KAT6A: variants seen among roughly 807,000 people sequenced by gnomAD.
KAT6A encodes histone acetyltransferase KAT6A.
In KAT6A, 9 loss-of-function variants were observed where a neutral mutation model predicts 198.4. That is an observed-to-expected ratio of 0.05 (90% CI 0.03 to 0.08). The LOEUF is 0.08. Ranked by LOEUF, KAT6A falls within the 10% of genes least tolerant of loss-of-function variation. KAT6A has a pLI of 1.00. For synonymous variants in KAT6A, 890 were observed against 883.0 expected (o/e 1.01, Z -0.14); for missense variants, 2,077 against 2,509.9 (o/e 0.83, Z 3.69).
rs757953664 is a variant in KAT6A at position 41,933,314 on chromosome 8, G to C, written c.4906C>G (p.Gln1636Glu). The change falls in exon 17 of 17, where the codon CAG becomes GAG. Residue 1636 changes from glutamine (Q) to glutamate (E), a missense_variant. Coordinates refer to ENST00000265713, the MANE Select transcript of KAT6A (RefSeq NM_006766.5). The surrounding 1 kb of genome is among the most constrained non-coding windows in gnomAD (Gnocchi z 6.2). ...GGAGGCCTCTCCACCACGCAGCTCT[G>C]AGGTGACTTGATGCTGCAGTTGGCA... ...PAANCSIKSP[Q>E]SCVVERPPSN... is the part of the protein sequence containing the mutation. 1.9e-6 allele frequency: 3 copies of C among 1,575,088 alleles called. No homozygotes were observed. The highest frequency in any genetic ancestry group is 1.2e-5 in the South Asian group (1 of 86,042).
Position 41,939,482 on chromosome 8 carries a change from C to T in KAT6A, c.3039+1360G>A, listed in dbSNP as rs368365874. On this transcript the variant is annotated intron_variant, in intron 15 of 16. Coordinates refer to ENST00000265713, the MANE Select transcript of KAT6A (RefSeq NM_006766.5). ...CAGCCTCCAGCTCAAGTGATCCTCC[C>T]GCCTCAGCCTCCCAAGTAGCTAGGA... Among the ~76,000 whole-genome samples the T allele has an allele frequency of 1.1e-4, 17 of 152,266 alleles. 1 individual carries two copies. The East Asian group carries it at 2.3e-3, about 21-fold the overall frequency.
In KAT6A at chr8:41,937,585, G is replaced by A; in HGVS notation, c.3040-17C>T. 6.3e-7 allele frequency: 1 copy of A among 1,582,150 alleles called. No homozygotes were observed. Among genetic ancestry groups the A allele is most frequent in the Non-Finnish European group, 8.6e-7 (1 of 1,161,752 alleles). On this transcript the variant is annotated splice_polypyrimidine_tract_variant and intron_variant, in intron 15 of 16. Coordinates refer to ENST00000265713, the MANE Select transcript of KAT6A (RefSeq NM_006766.5). ...AAATGGTTTCTGTTTAATAGAGAAA[G>A]CAAGTATTTACAGTTATGAACACTA...
intron 9 of KAT6A, among the ~76,000 whole-genome samples, chr8:41,950,685 A>C (rs1822624109): frequency 6.6e-6 from 1 of 152,268 alleles, no homozygotes; most frequent in Non-Finnish European, 1.5e-5. Context: ...AAAAACAGTG[A>C]CAGACCATGA....
At chr8:41,972,200 G>A (rs945064964) in intron 8 of KAT6A, among the ~76,000 whole-genome samples, 11 of 147,216 alleles carry the variant, frequency 7.5e-5, no homozygotes, top group Admixed American at 4.1e-4. Flanking sequence ...TAAACAAATA[G>A]GAAGAAGAAA....
At chr8:42,035,464 A>C (rs755732178) in intron 2 of KAT6A, among the ~76,000 whole-genome samples, 1 of 151,970 alleles carries the variant, frequency 6.6e-6, no homozygotes, top group Non-Finnish European at 1.5e-5. Context: ...ATAACTCAGG[A>C]AAGTTATCTC....
chr8:41,982,547 C>T (rs2150890353), intron 3 of KAT6A, among the ~76,000 whole-genome samples: 1 of 152,284 alleles, frequency 6.6e-6, no homozygotes, highest in African/African-American at 2.4e-5. Flanking sequence ...AAACAAGCAA[C>T]TCCTAAGTTT....
chr8:41,961,690 T>G (rs1564024849), intron 8 of KAT6A, among the ~76,000 whole-genome samples: 1 of 150,030 alleles, frequency 6.7e-6, no homozygotes, highest in Non-Finnish European at 1.5e-5. Context: ...GACGTGGCGG[T>G]TGCAATGAGC....
chr8:41,944,997 G>C (rs1429326620), intron 12 of KAT6A, among the ~76,000 whole-genome samples: 1 of 152,126 alleles, frequency 6.6e-6, no homozygotes, highest in Non-Finnish European at 1.5e-5. Flanking sequence ...AAAATCCTTT[G>C]TTTGAACCAT....
intron 2 of KAT6A, among the ~76,000 whole-genome samples, chr8:42,042,578 C>T (rs1045122556): frequency 2.0e-5 from 3 of 152,046 alleles, no homozygotes; most frequent in African/African-American, 7.2e-5. Flanking sequence ...TTGGACTCTA[C>T]TAAGAGTTGA....
chr8:41,952,761 G>C (rs1822728403), intron 9 of KAT6A, among the ~76,000 whole-genome samples: 1 of 152,072 alleles, frequency 6.6e-6, no homozygotes, highest in African/African-American at 2.4e-5. Context: ...TTATTATTTG[G>C]AAAATGTAAG....
chr8:41,972,939 A>T (rs1049198436), intron 8 of KAT6A, among the ~76,000 whole-genome samples: 1 of 152,212 alleles, frequency 6.6e-6, no homozygotes, highest in South Asian at 2.1e-4. Flanking sequence ...TAGAGTACCT[A>T]TAATAACTCA....
chr8:42,007,803 A>T (rs1825819437), intron 2 of KAT6A, among the ~76,000 whole-genome samples: 1 of 152,016 alleles, frequency 6.6e-6, no homozygotes, highest in Admixed American at 6.6e-5. Flanking sequence ...TCTACTAAAA[A>T]TACAAAAAAT....
Position 41,958,842 on chromosome 8 carries a change from G to A in KAT6A, c.1483-3431C>T, listed in dbSNP as rs117578611. On this transcript the variant is annotated intron_variant, in intron 8 of 16. Transcript: ENST00000265713. ...TGTTTTTGTCAGTAACTCAGTTCAG[G>A]TCAAGTGGGACTTTATTGCAAAATG... Among the ~76,000 whole-genome samples, 110 of 152,248 alleles carry A rather than the reference G, an allele frequency of 7.2e-4. 1 individual carries two copies. In the East Asian group the frequency reaches 0.02, roughly 28 times the overall value.
chr8:41,988,787 T>C (rs1824757768), intron 2 of KAT6A, among the ~76,000 whole-genome samples: 1 of 152,140 alleles, frequency 6.6e-6, no homozygotes, highest in African/African-American at 2.4e-5. Context: ...AGGAAAGCAA[T>C]TTGGAGGAAA....
rs1318833345 is a variant in KAT6A at position 41,931,041 on chromosome 8, T to G, written c.*1164A>C. On this transcript the variant is annotated 3_prime_UTR_variant, in exon 17 of 17. Coordinates refer to ENST00000265713, the MANE Select transcript of KAT6A (RefSeq NM_006766.5). The stretch of plus-strand genomic sequence containing the variant: ...ACGAAACTCACACCGTGATCTCCCT[T>G]CTGACACACATCTGCGCCATCTCTT... 1 of 217,520 alleles carries G rather than the reference T, an allele frequency of 4.6e-6. No homozygotes were observed. Among genetic ancestry groups the G allele is most frequent in the African/African-American group, 2.3e-5 (1 of 44,340 alleles). The allele number at this position is 217,520 out of a possible 1,614,324, so 13.5% of individuals were successfully genotyped here.
At chr8:41,980,373 C>CA (rs1276523910) in intron 5 of KAT6A, among the ~76,000 whole-genome samples, 2 of 151,668 alleles carry the variant, frequency 1.3e-5, no homozygotes, top group Admixed American at 1.3e-4. Flanking sequence ...ACAACAACAA[C>CA]AAAAAACCTT....
intron 9 of KAT6A, among the ~76,000 whole-genome samples, chr8:41,952,536 C>T (rs1822715823): frequency 6.6e-6 from 1 of 152,160 alleles, no homozygotes; most frequent in Non-Finnish European, 1.5e-5. Flanking sequence ...ACTTAATAGG[C>T]AATGCATACA....
chr8:42,041,824 T>G, intron 2 of KAT6A, among the ~76,000 whole-genome samples: 1 of 147,828 alleles, frequency 6.8e-6, no homozygotes, highest in East Asian at 2.1e-4. Flanking sequence ...CATTTCACAC[T>G]TGATAATAGC....
chr8:41,940,820 G>A (rs1391507007), intron 15 of KAT6A, 22 bp downstream of exon 15: 1 of 1,588,678 alleles, frequency 6.3e-7, no homozygotes, highest in East Asian at 2.2e-5. Flanking sequence ...AGGAAGAGAA[G>A]ACCTGGAAAG....
Sources: allele counts gnomAD v4.1 joint callset (sites outside exome capture counted in the v4.1 genomes callset), GRCh38; gene constraint gnomAD v4.1.1; non-coding constraint Gnocchi (gnomAD v3.1); transcripts MANE v1.5; gene names NCBI Gene and HGNC (gene_info 2026-07-23, HGNC 2026-07-21).